STRN3: variants seen among roughly 807,000 people sequenced by gnomAD.
The protein encoded by STRN3 is striatin-3.
In STRN3, 29 loss-of-function variants were observed where a neutral mutation model predicts 95.6. The observed-to-expected ratio is 0.30, with a 90% confidence interval of 0.23 to 0.41. The LOEUF (loss-of-function observed/expected upper bound fraction) is 0.41. STRN3 is among the 10% of genes least tolerant of loss of function. STRN3 has a pLI of 1.00. For synonymous variants in STRN3, 331 were observed against 357.6 expected (o/e 0.93, Z 0.84); for missense variants, 890 against 972.1 (o/e 0.92, Z 1.12).
intron 16 of STRN3, among the ~76,000 whole-genome samples, chr14:30,897,064 G>A (rs1896174659): frequency 2.0e-5 from 3 of 152,150 alleles, no homozygotes; most frequent in Non-Finnish European, 4.4e-5. Flanking sequence ...TCAGCAATGA[G>A]TCTTTATTAC....
intron 3 of STRN3, among the ~76,000 whole-genome samples, chr14:30,954,550 T>G (rs978979617): frequency 3.3e-5 from 5 of 152,222 alleles, no homozygotes; most frequent in African/African-American, 1.2e-4. Context: ...CTAAACATCC[T>G]GAAGAATTTT....
chr14:31,001,231 A>G (rs1882435975), intron 1 of STRN3, among the ~76,000 whole-genome samples: 1 of 152,202 alleles, frequency 6.6e-6, no homozygotes, highest in South Asian at 2.1e-4. Flanking sequence ...CAGTGTTTGA[A>G]TTTTAGAAGA....
At chr14:30,901,843 G>A (rs1319747512) in intron 16 of STRN3, among the ~76,000 whole-genome samples, 1 of 152,096 alleles carries the variant, frequency 6.6e-6, no homozygotes, top group Non-Finnish European at 1.5e-5. Context: ...GCACTATAAT[G>A]TCATTTGATC....
rs201849226 is a variant in STRN3 at position 31,012,081 on chromosome 14, C to CA, written c.282+13822dup. Among the ~76,000 whole-genome samples, 1,326 of 151,854 alleles carry CA rather than the reference C, an allele frequency of 8.7e-3. 24 individuals are homozygous for CA. The highest frequency in any genetic ancestry group is 0.03 in the African/African-American group (1,244 of 41,436). ...TGGGCGACGGAGCGAGACTCTGTCTCAAAAAAAAGAAAACAAAAAAGCAAC... is the reference window on the plus strand; with the variant it reads ...TGGGCGACGGAGCGAGACTCTGTCTCAAAAAAAAAGAAAACAAAAAAGCAAC... On this transcript the variant is annotated intron_variant, in intron 1 of 17. Transcript: ENST00000357479.
chr14:30,950,328 G>C (rs1879576514), intron 4 of STRN3, among the ~76,000 whole-genome samples: 1 of 152,040 alleles, frequency 6.6e-6, no homozygotes, highest in African/African-American at 2.4e-5. Flanking sequence ...AATCACCCAG[G>C]ATATCAGTAG....
At chr14:30,999,057 C>G (rs956778311) in intron 1 of STRN3, among the ~76,000 whole-genome samples, 3 of 152,168 alleles carry the variant, frequency 2.0e-5, no homozygotes, top group Non-Finnish European at 2.9e-5. Flanking sequence ...AGACACTGAA[C>G]TTTTTAGAAT....
Position 31,020,222 on chromosome 14 carries a change from G to C in STRN3, c.282+5682C>G, listed in dbSNP as rs550872746. 8.5e-5 allele frequency among the ~76,000 whole-genome samples: 13 copies of C among 152,328 alleles called. No individual in the cohort carries two copies. The South Asian group carries it at 2.5e-3, about 29-fold the overall frequency. On this transcript the variant is annotated intron_variant, in intron 1 of 17. Coordinates refer to ENST00000357479, the MANE Select transcript of STRN3 (RefSeq NM_001083893.2). ...CATATAGAAAGTGTTCAATAGGTCA[G>C]GCGCAGTGGCTCATGCCTGTAATCC...
intron 8 of STRN3, among the ~76,000 whole-genome samples, chr14:30,925,058 C>G (rs919248268): frequency 6.6e-6 from 1 of 152,118 alleles, no homozygotes; most frequent in African/African-American, 2.4e-5. Flanking sequence ...ATAACTGCAT[C>G]AAGCCTCTTT....
chr14:31,003,360 A>C (rs75139736), intron 1 of STRN3, among the ~76,000 whole-genome samples: 1 of 145,634 alleles, frequency 6.9e-6, no homozygotes, highest in Non-Finnish European at 1.5e-5. Flanking sequence ...AAAAAAAAAA[A>C]ACAAACAACT....
At chr14:30,944,152 A>G (rs1289416762) in intron 5 of STRN3, among the ~76,000 whole-genome samples, 2 of 151,950 alleles carry the variant, frequency 1.3e-5, no homozygotes, top group African/African-American at 4.8e-5. Context: ...AGTGAGGGGG[A>G]AAAAAACGAA....
At chr14:30,949,654 G>A (rs192994383) in intron 4 of STRN3, among the ~76,000 whole-genome samples, 6 of 151,396 alleles carry the variant, frequency 4.0e-5, no homozygotes, top group Admixed American at 2.0e-4. Flanking sequence ...ACTGCACTCC[G>A]GCCTGGGTGA....
At position 30,950,920 on chromosome 14, in the gene STRN3, G is replaced by A; in HGVS notation, c.485C>T (p.Pro162Leu). 9 of 1,613,618 alleles carry A rather than the reference G, an allele frequency of 5.6e-6. No individual in the cohort carries two copies. The highest frequency in any genetic ancestry group is 5.9e-6 in the Non-Finnish European group (7 of 1,179,858). The stretch of plus-strand genomic sequence containing the variant: ...TAACTGGCTATTCTGAGGTGCTGTG[G>A]GAGCCTCTGTGTCTTTGGTTTCTTC... ...ESEETKDTEA[P>L]TAPQNSQLTW... The change falls in exon 4 of 18, where the codon CCC becomes CTC. Residue 162 changes from proline to leucine, a missense_variant. Physicochemically the swap from Pro to Leu is moderately conservative, Grantham distance 98. This residue lies in a region of STRN3 where 526 missense variants were observed against 526.3 expected (regional missense o/e 1.00). Transcript: ENST00000357479.
intron 1 of STRN3, among the ~76,000 whole-genome samples, chr14:30,977,840 T>C (rs1881191295): frequency 6.7e-6 from 1 of 149,322 alleles, no homozygotes; most frequent in Non-Finnish European, 1.5e-5. Flanking sequence ...GTCCTCATTA[T>C]TGAACCCATG....
At chr14:30,906,274 A>G (rs1229663979) in intron 14 of STRN3, among the ~76,000 whole-genome samples, 1 of 152,208 alleles carries the variant, frequency 6.6e-6, no homozygotes, top group Admixed American at 6.5e-5. Context: ...TATATTTACT[A>G]TTCACCTAAA....
At chr14:30,921,071 TACAC>T (rs921860938) in intron 8 of STRN3, among the ~76,000 whole-genome samples, 4 of 116,682 alleles carry the variant, frequency 3.4e-5, no homozygotes, top group African/African-American at 1.3e-4. Context: ...CACATACATA[TACAC>T]ACACACACAC....
intron 1 of STRN3, among the ~76,000 whole-genome samples, chr14:30,987,368 G>T (rs1255667980): frequency 1.3e-5 from 2 of 152,010 alleles, no homozygotes; most frequent in Non-Finnish European, 2.9e-5. Context: ...TTAGCTGGGC[G>T]TGGTGGCAGG....
At chr14:30,931,778 A>C (rs1878548731) in intron 7 of STRN3, among the ~76,000 whole-genome samples, 1 of 152,270 alleles carries the variant, frequency 6.6e-6, no homozygotes, top group African/African-American at 2.4e-5. Flanking sequence ...GATGACAGTG[A>C]AAACAGCGTT....
chr14:30,908,306 C>T (rs1271954653), intron 13 of STRN3, among the ~76,000 whole-genome samples: 3 of 152,170 alleles, frequency 2.0e-5, no homozygotes, highest in Admixed American at 1.3e-4. Flanking sequence ...TTCCTGTTTA[C>T]TCTTCAAATC....
intron 15 of STRN3, 34 bp from the exon 16 acceptor site, chr14:30,902,677 C>A: frequency 7.3e-7 from 1 of 1,378,444 alleles, no homozygotes; most frequent in South Asian, 1.3e-5. Flanking sequence ...AGTTAAAATT[C>A]AAACCTTTAA....
Sources: allele counts gnomAD v4.1 joint callset (sites outside exome capture counted in the v4.1 genomes callset), GRCh38; gene constraint gnomAD v4.1.1; regional missense constraint gnomAD v4.1.1; transcripts MANE v1.5; gene names NCBI Gene and HGNC (gene_info 2026-07-23, HGNC 2026-07-21).